Variants in ANO2 observed in about 807,000 individuals in gnomAD.
The protein encoded by ANO2 is anoctamin 2.
ANO2 carries 101 observed loss-of-function variants against 124.2 expected under a neutral mutation model. The observed-to-expected ratio is 0.81, with a 90% confidence interval of 0.69 to 0.96. The LOEUF is 0.96. Ranked by LOEUF, ANO2 falls within the 40% of genes least tolerant of loss-of-function variation. The pLI is 0.00. For synonymous variants in ANO2, 486 were observed against 482.5 expected (o/e 1.01, Z -0.09); for missense variants, 1,293 against 1,274.5 (o/e 1.01, Z -0.22).
intron 14 of ANO2, among the ~76,000 whole-genome samples, chr12:5,664,046 T>G (rs1947578115): frequency 6.6e-6 from 1 of 152,202 alleles, no homozygotes; most frequent in African/African-American, 2.4e-5. Context: ...GTGGAAGAGC[T>G]TCTAAATTTT....
At chr12:5,788,059 A>G (rs994816114) in intron 10 of ANO2, among the ~76,000 whole-genome samples, 1 of 152,204 alleles carries the variant, frequency 6.6e-6, no homozygotes, top group African/African-American at 2.4e-5. Flanking sequence ...AGCAAATGTG[A>G]TGTCAGCAGG....
rs191481491 is a variant in ANO2 at position 5,714,333 on chromosome 12, T to C, written c.1545+18187A>G. ...TCCTATCCTCCAAACATGGATTAAATTAGAACAGAGAAAGCAGGGAGACTG... is the reference window on the plus strand; with the variant it reads ...TCCTATCCTCCAAACATGGATTAAACTAGAACAGAGAAAGCAGGGAGACTG... On this transcript the variant is annotated intron_variant, in intron 14 of 24. Coordinates refer to ENST00000682330, the MANE Select transcript of ANO2 (RefSeq NM_001364791.2). 2.3e-3 allele frequency among the ~76,000 whole-genome samples: 352 copies of C among 152,298 alleles called. 2 individuals carry two copies. The highest frequency in any genetic ancestry group is 8.0e-3 in the African/African-American group (334 of 41,546).
chr12:5,676,935 T>A (rs1347060575), intron 14 of ANO2, among the ~76,000 whole-genome samples: 2 of 152,118 alleles, frequency 1.3e-5, no homozygotes, highest in Non-Finnish European at 2.9e-5. Context: ...ACACCTGTAA[T>A]CCCAGCTACT....
intron 14 of ANO2, among the ~76,000 whole-genome samples, chr12:5,698,069 GT>G (rs1245047192): frequency 6.6e-6 from 1 of 152,240 alleles, no homozygotes; most frequent in African/African-American, 2.4e-5. Context: ...AGACTTAAAT[GT>G]CCCTGTCTGA....
intron 1 of ANO2, among the ~76,000 whole-genome samples, chr12:5,932,811 G>C (rs761852922): frequency 6.6e-6 from 1 of 152,206 alleles, no homozygotes; most frequent in African/African-American, 2.4e-5. Context: ...AAAGTATGAA[G>C]AAGGATCCAT....
chr12:5,812,474 G>GAGGA (rs373413172), intron 7 of ANO2, among the ~76,000 whole-genome samples: 3 of 94,984 alleles, frequency 3.2e-5, no homozygotes, highest in Admixed American at 2.3e-4. Context: ...AAGGAAGGGG[G>GAGGA]AGGAAGGAAG....
At chr12:5,573,375 C>T (rs930688830) in intron 23 of ANO2, among the ~76,000 whole-genome samples, 17 of 152,188 alleles carry the variant, frequency 1.1e-4, no homozygotes, top group African/African-American at 3.6e-4. Context: ...AAGAAACAGA[C>T]GATGTGAGCC....
At chr12:5,573,447 C>A (rs577565522) in intron 23 of ANO2, among the ~76,000 whole-genome samples, 12 of 152,296 alleles carry the variant, frequency 7.9e-5, no homozygotes, top group Admixed American at 4.6e-4. Context: ...AGGTGGAGAC[C>A]TGCGCTCTTA....
Position 5,795,710 on chromosome 12 carries a change from G to A in ANO2, c.1055+3797C>T, listed in dbSNP as rs75345928. Among the ~76,000 whole-genome samples, 382 of 152,272 alleles carry A rather than the reference G, an allele frequency of 2.5e-3. 2 individuals carry two copies. Among genetic ancestry groups the A allele is most frequent in the Non-Finnish European group, 4.1e-3 (278 of 68,016 alleles). ...TGTTTTGTCTCATTCATATCAAAAC[G>A]TCCAAGCTAAGAAAATCAGCCTGGG... On this transcript the variant is annotated intron_variant, in intron 10 of 24. Coordinates refer to ENST00000682330, the MANE Select transcript of ANO2 (RefSeq NM_001364791.2).
chr12:5,841,647 A>T (rs891869562), intron 4 of ANO2, among the ~76,000 whole-genome samples: 4 of 152,074 alleles, frequency 2.6e-5, no homozygotes, highest in Non-Finnish European at 5.9e-5. Context: ...CACGCAGTCC[A>T]GGGTTTTCTT....
At chr12:5,843,995 T>C (rs920318341) in intron 4 of ANO2, among the ~76,000 whole-genome samples, 6 of 152,102 alleles carry the variant, frequency 3.9e-5, no homozygotes, top group Non-Finnish European at 8.8e-5. Flanking sequence ...ACAGGTAAGA[T>C]AAATACTGAC....
At chr12:5,867,796 AAAAAC>A (rs1955469697) in intron 3 of ANO2, among the ~76,000 whole-genome samples, 1 of 151,196 alleles carries the variant, frequency 6.6e-6, no homozygotes, top group Non-Finnish European at 1.5e-5. Flanking sequence ...AAAAAAAAAA[AAAAAC>A]CAGTGGATTT....
intron 10 of ANO2, among the ~76,000 whole-genome samples, chr12:5,796,824 G>A (rs887736029): frequency 1.3e-5 from 2 of 152,216 alleles, no homozygotes; most frequent in African/African-American, 2.4e-5. Context: ...TGCGGAAGGG[G>A]AAGGAGAGCT....
intron 11 of ANO2, among the ~76,000 whole-genome samples, chr12:5,749,932 CTT>C (rs531414221): frequency 2.1e-5 from 3 of 143,578 alleles, no homozygotes; most frequent in Non-Finnish European, 3.1e-5. Context: ...TTTCCTTTTC[CTT>C]TTTTTTTTTT....
In ANO2 at chr12:5,876,991, GTAAA is replaced by G. The variant is rs1938148567; in HGVS notation, c.535-22854_535-22851del. Among the ~76,000 whole-genome samples the G allele has an allele frequency of 3.3e-5, 5 of 152,168 alleles. No individual in the cohort carries two copies. In the South Asian group the frequency reaches 1.0e-3, roughly 32 times the overall value. ...TAAAGTATAATTTTTAAAAAAGACA[GTAAA>G]TAAACATTCTTTCATCAATTCCCAC... On this transcript the variant is annotated intron_variant, in intron 3 of 24. Transcript: ENST00000682330.
chr12:5,630,619 T>C (rs781048581), intron 16 of ANO2, among the ~76,000 whole-genome samples: 8 of 152,218 alleles, frequency 5.3e-5, no homozygotes, highest in Non-Finnish European at 8.8e-5. Flanking sequence ...AAAAGATACC[T>C]AGCCTATGGG....
At chr12:5,764,943 GCCTCATC>G (rs1951841317) in intron 10 of ANO2, among the ~76,000 whole-genome samples, 1 of 152,142 alleles carries the variant, frequency 6.6e-6, no homozygotes, top group African/African-American at 2.4e-5. Flanking sequence ...GAGATACAAT[GCCTCATC>G]CCTTAAAGGA....
chr12:5,638,750 G>C (rs750648025), intron 15 of ANO2, among the ~76,000 whole-genome samples: 4 of 151,876 alleles, frequency 2.6e-5, no homozygotes, highest in Non-Finnish European at 5.9e-5. Context: ...GCAGCTCTAG[G>C]GGATCTGGCT....
At chr12:5,910,521 T>G (rs1202947025) in intron 3 of ANO2, among the ~76,000 whole-genome samples, 2 of 152,228 alleles carry the variant, frequency 1.3e-5, no homozygotes, top group Non-Finnish European at 2.9e-5. Flanking sequence ...GGAACTCATC[T>G]TAATGTAGGT....
Sources: allele counts gnomAD v4.1 joint callset (sites outside exome capture counted in the v4.1 genomes callset), GRCh38; gene constraint gnomAD v4.1.1; transcripts MANE v1.5; gene names NCBI Gene and HGNC (gene_info 2026-07-23, HGNC 2026-07-21).